Variants in UBE2L5 observed in about 807,000 individuals in gnomAD.
The protein encoded by UBE2L5 is ubiquitin conjugating enzyme E2 L5, also known as ubiquitin-conjugating enzyme E2 L5.
Under a neutral mutation model 10.0 loss-of-function variants are expected in UBE2L5, and 3 were observed. That is an observed-to-expected ratio of 0.30 (90% CI 0.14 to 0.78). The LOEUF (loss-of-function observed/expected upper bound fraction) is 0.78, where lower values mean the gene tolerates loss of function less well. UBE2L5 is among the 30% of genes least tolerant of loss of function. UBE2L5 has a pLI of 0.65. For missense variants in UBE2L5, 131 were observed against 193.3 expected (o/e 0.68, Z 1.91); for synonymous variants, 60 against 71.9 (o/e 0.83, Z 0.83).
intron 1 of UBE2L5, among the ~76,000 whole-genome samples, chr13:30,423,232 A>G (rs538408921): frequency 2.4e-4 from 36 of 152,344 alleles, no homozygotes; most frequent in Middle Eastern, 6.8e-3. Context: ...AAAATCTCCA[A>G]ATACAATTAC....
At chr13:30,427,308 C>T (rs555999413) in intron 3 of UBE2L5, 53 bp from the exon 4 acceptor site, 8 of 152,290 alleles carry the variant, frequency 5.3e-5, no homozygotes, top group African/African-American at 9.6e-5. Flanking sequence ...TCTTCTTTGG[C>T]TCTCAGTTGA....
Position 30,427,731 on chromosome 13 carries a change from G to C in UBE2L5, c.-260G>C. The C allele has an allele frequency of 2.2e-6, 1 of 459,896 alleles. No individual in the cohort carries two copies. The highest frequency in any genetic ancestry group is 3.9e-5 in the Admixed American group (1 of 25,580). The allele number at this position is 459,896 out of a possible 1,614,324, so 28.5% of individuals were successfully genotyped here. A position where few individuals can be genotyped will look rare whatever the true frequency, so the allele number is the denominator to read the frequency against. ...AGGCGAGAGGATGGCTTGAACCCGG[G>C]AGGCTGAGGTTGCAATGAGCAGAGA... On this transcript the variant is annotated 5_prime_UTR_variant, in exon 4 of 4. Coordinates refer to ENST00000635918, the MANE Select transcript of UBE2L5 (RefSeq NM_001355247.2).
intron 1 of UBE2L5, 70 bp downstream of exon 1, chr13:30,422,747 G>A (rs1885482104): frequency 6.6e-6 from 1 of 152,190 alleles, no homozygotes; most frequent in Non-Finnish European, 1.5e-5. Flanking sequence ...CGGTCAGCGG[G>A]TGACATTGCA....
At position 30,429,455 on chromosome 13, in the gene UBE2L5, T is replaced by A. The variant is rs1183340366; in HGVS notation, c.*1000T>A. Among the ~76,000 whole-genome samples the A allele has an allele frequency of 6.6e-6, 1 of 152,182 alleles. No individual in the cohort carries two copies. The highest frequency in any genetic ancestry group is 1.5e-5 in the Non-Finnish European group (1 of 68,038). On this transcript the variant is annotated 3_prime_UTR_variant, in exon 4 of 4. Transcript: ENST00000635918. ...CAGACAAAAGAGTAGCTTTGCCACC[T>A]CTCATTTTGGCTGGGCTGCTCTGAG...
At chr13:30,426,406 T>C (rs1201555273) in intron 2 of UBE2L5, among the ~76,000 whole-genome samples, 1 of 152,076 alleles carries the variant, frequency 6.6e-6, no homozygotes, top group East Asian at 1.9e-4. Context: ...CTCCTATAAG[T>C]CAGACAGTGG....
At chr13:30,423,429 T>C (rs910608180) in intron 1 of UBE2L5, among the ~76,000 whole-genome samples, 1 of 152,050 alleles carries the variant, frequency 6.6e-6, no homozygotes, top group Non-Finnish European at 1.5e-5. Flanking sequence ...CTGGGCAACA[T>C]AGTGAAACTC....
chr13:30,423,124 A>G (rs1016441369), intron 1 of UBE2L5, among the ~76,000 whole-genome samples: 1 of 115,490 alleles, frequency 8.7e-6, no homozygotes, highest in Non-Finnish European at 1.8e-5. Flanking sequence ...TCACATATCT[A>G]GTTTTTGTGC....
In UBE2L5 at chr13:30,428,249, C is replaced by G; in HGVS notation, c.259C>G (p.Leu87Val). Residue 87 changes from leucine (L) to valine (V), a missense_variant, in exon 4 of 4, where the codon CTG (leucine) becomes GTG (valine). By Grantham distance (32) the Leu-to-Val change is conservative. Coordinates refer to ENST00000635918, the MANE Select transcript of UBE2L5 (RefSeq NM_001355247.2). ...CATCGACGAAAAGGGGCAGGTCTGT[C>G]TGCCAGTAATTAGTGCTGAAAACTG... is the stretch of plus-strand genomic sequence containing the variant. Reference protein sequence around the residue: ...PNIDEKGQVCLPVISAENWKP... With the variant: ...PNIDEKGQVCVPVISAENWKP... 1 of 1,609,200 alleles carries G rather than the reference C, an allele frequency of 6.2e-7. No homozygotes were observed.
intron 2 of UBE2L5, among the ~76,000 whole-genome samples, chr13:30,426,245 A>G (rs891033619): frequency 1.3e-5 from 2 of 152,202 alleles, no homozygotes; most frequent in Non-Finnish European, 2.9e-5. Flanking sequence ...TGGGAGGCGG[A>G]GGTTGCAGTG....
intron 3 of UBE2L5, 105 bp from the exon 4 acceptor site, chr13:30,427,256 C>T (rs1225368911): frequency 1.3e-5 from 2 of 151,936 alleles, no homozygotes; most frequent in Non-Finnish European, 2.9e-5. Context: ...TATTTCTATC[C>T]CTTTGCATGA....
chr13:30,427,041 T>G (rs1266939196), intron 3 of UBE2L5: 1 of 152,208 alleles, frequency 6.6e-6, no homozygotes, highest in East Asian at 1.9e-4. Context: ...AAATAAGTTT[T>G]GCTGCCTTCT....
At chr13:30,424,334 T>C (rs66505256) in intron 1 of UBE2L5, among the ~76,000 whole-genome samples, 49,661 of 152,156 alleles carry the variant, frequency 0.33, 9,044 homozygotes, top group East Asian at 0.39. Context: ...ACAGATGACT[T>C]TGACACTCTA....
At chr13:30,424,072 A>G (rs1885505163) in intron 1 of UBE2L5, among the ~76,000 whole-genome samples, 1 of 152,150 alleles carries the variant, frequency 6.6e-6, no homozygotes, top group Admixed American at 6.5e-5. Context: ...TTCACATGGA[A>G]AGCTGGACTT....
chr13:30,425,561 C>T (rs190332525), intron 2 of UBE2L5, among the ~76,000 whole-genome samples: 1 of 152,324 alleles, frequency 6.6e-6, no homozygotes, highest in East Asian at 1.9e-4. Flanking sequence ...CCCCACCCAG[C>T]GCCATGCATT....
At position 30,428,646 on chromosome 13, in the gene UBE2L5, T is replaced by A; in HGVS notation, c.*191T>A. ...TAACCTGTAAAGAAAGGATTAAAAA[T>A]TTAAGATGTTCTTAAAAAAAAAAAA... On this transcript the variant is annotated 3_prime_UTR_variant, in exon 4 of 4. Coordinates refer to ENST00000635918, the MANE Select transcript of UBE2L5 (RefSeq NM_001355247.2). The A allele has an allele frequency of 1.7e-6, 1 of 586,520 alleles. No homozygotes were observed. Among genetic ancestry groups the A allele is most frequent in the Non-Finnish European group, 2.8e-6 (1 of 356,548 alleles). The allele number at this position is 586,520 out of a possible 1,614,324, so 36.3% of individuals were successfully genotyped here.
chr13:30,426,326 A>G (rs1271497570), intron 2 of UBE2L5, among the ~76,000 whole-genome samples: 1 of 152,150 alleles, frequency 6.6e-6, no homozygotes, highest in South Asian at 2.1e-4. Flanking sequence ...AAAACAAAAA[A>G]GAAAAAGTAT....
Position 30,429,657 on chromosome 13 carries a change from T to C in UBE2L5, c.*1202T>C, listed in dbSNP as rs1404798963. Among the ~76,000 whole-genome samples, 1 of 152,270 alleles carries C rather than the reference T, an allele frequency of 6.6e-6. No homozygotes were observed. The highest frequency in any genetic ancestry group is 1.5e-5 in the Non-Finnish European group (1 of 68,054). The stretch of plus-strand genomic sequence containing the variant: ...CATATACATAGAGGATTGTTCACTC[T>C]CCTCCTTTTATGAAATAATTTTTAG... On this transcript the variant is annotated 3_prime_UTR_variant, in exon 4 of 4. Transcript: ENST00000635918.
intron 3 of UBE2L5, 21 bp downstream of exon 3, chr13:30,426,799 C>G (rs1402075474): frequency 1.3e-5 from 2 of 152,154 alleles, no homozygotes; most frequent in African/African-American, 2.4e-5. Context: ...AAAATGCAAC[C>G]TGTATATTCT....
chr13:30,423,691 T>TA (rs797019670), intron 1 of UBE2L5, among the ~76,000 whole-genome samples: 3 of 152,340 alleles, frequency 2.0e-5, no homozygotes, highest in African/African-American at 7.2e-5. Context: ...GAGGCATCCT[T>TA]ACGGTGGGAA....
Sources: gnomAD v4.1 joint callset for allele counts (sites outside exome capture counted in the v4.1 genomes callset) on GRCh38, gnomAD v4.1.1 for gene constraint, MANE v1.5 for transcripts, NCBI Gene and HGNC (gene_info 2026-07-23, HGNC 2026-07-21) for gene names.